The following HERC5 variants were observed in gnomAD, a reference collection of about 807,000 sequenced individuals.
The protein encoded by HERC5 is HECT and RLD domain containing E3 ubiquitin protein ligase 5.
Under a neutral mutation model 119.6 loss-of-function variants are expected in HERC5, and 99 were observed. The observed-to-expected ratio is 0.83, with a 90% CI of 0.70 to 0.98. The LOEUF is 0.98. Among genes scored for constraint, HERC5 ranks in the 50% least tolerant of loss-of-function variants. The probability of loss-of-function intolerance (pLI) is 0.00; values close to 1 mark genes in which losing one functional copy is unlikely to be tolerated. For missense variants in HERC5, 1,267 were observed against 1,241.3 expected, an observed-to-expected ratio of 1.02 and a Z score of -0.31; for synonymous variants, 478 against 445.9, an observed-to-expected ratio of 1.07 and a Z score of -0.91.
In HERC5 at chr4:88,493,022, G is replaced by T; in HGVS notation, c.2144G>T (p.Ser715Ile). 1 of 1,613,838 alleles carries T rather than the reference G, an allele frequency of 6.2e-7. No homozygotes were observed. The highest frequency in any genetic ancestry group is 8.5e-7 in the Non-Finnish European group (1 of 1,179,874). ...GCTCTGTTTCCTCAGGTTTCATTTA[G>T]TGGAGAAATTGGGTATGACCTCGGA... ...DLRKELWVSF[S>I]GEIGYDLGGV... Residue 715 changes from serine (S) to isoleucine (I), a missense_variant, in exon 17 of 23, where the codon AGT becomes ATT. Coordinates refer to ENST00000264350, the MANE Select transcript of HERC5 (RefSeq NM_016323.4).
chr4:88,470,639 C>G lies in HERC5; in HGVS notation c.1264C>G (p.Pro422Ala). The G allele has an allele frequency of 2.0e-6, 3 of 1,512,876 alleles. No individual in the cohort carries two copies. Among genetic ancestry groups the G allele is most frequent in the Non-Finnish European group, 2.7e-6 (3 of 1,094,106 alleles). 93.7% of individuals were successfully genotyped at this position (1,512,876 alleles called of 1,614,324 possible). Residue 422 changes from proline (P) to alanine (A), a missense_variant, in exon 10 of 23, where the codon CCT becomes GCT. Pro to Ala is a conservative substitution (Grantham distance 27). This residue lies in a region of HERC5 where 777 missense variants were observed against 758.0 expected (regional missense o/e 1.03). Transcript: ENST00000264350. ...GGAAATCCAAGAGATATTTTCATCT[C>G]CTGCTTGTCTAACTGGAAGTTTTTT... ...KREIQEIFSS[P>A]ACLTGSFLRK...
intron 6 of HERC5, among the ~76,000 whole-genome samples, chr4:88,466,089 G>GTTT (rs1299764703): frequency 2.1e-5 from 3 of 140,610 alleles, no homozygotes; most frequent in Non-Finnish European, 4.7e-5. Context: ...TGGTTTGGTG[G>GTTT]TTTTTTTTTT....
rs759566754 is a variant in HERC5, at chr4:88,505,827, A to T, written c.3024A>T (p.Thr1008=). 6.2e-7 allele frequency: 1 copy of T among 1,613,720 alleles called. No individual in the cohort carries two copies. The highest frequency in any genetic ancestry group is 1.7e-5 in the Admixed American group (1 of 60,016). The change falls in exon 23 of 23, where the codon ACA becomes ACT. Residue 1008 remains threonine, a synonymous_variant. Transcript: ENST00000264350. ...TCCCTAAATATTCTACAATGGAAAC[A>T]GTTGAAGAAGCGCTTCAAGAAGCCA... ...LFLPKYSTME[T]VEEALQEAIN... is the part of the protein sequence containing the mutation.
chr4:88,470,378 G>A (rs904203183), intron 9 of HERC5, among the ~76,000 whole-genome samples: 3 of 152,180 alleles, frequency 2.0e-5, no homozygotes, highest in Non-Finnish European at 4.4e-5. Flanking sequence ...GCTTCTCTGA[G>A]TATGTATAAA....
At chr4:88,458,220 G>A in intron 1 of HERC5, 1 of 342,230 alleles carries the variant, frequency 2.9e-6, no homozygotes, top group Non-Finnish European at 4.1e-6. Context: ...TTTGCACGTC[G>A]TACATGTAAT....
intron 19 of HERC5, among the ~76,000 whole-genome samples, chr4:88,500,598 A>C (rs1741920196): frequency 6.6e-6 from 1 of 152,232 alleles, no homozygotes; most frequent in Non-Finnish European, 1.5e-5. Context: ...TAGGATGGGA[A>C]GAATTCATGG....
At position 88,457,209 on chromosome 4, in the gene HERC5, C is replaced by G; in HGVS notation, c.-61C>G. On this transcript the variant is annotated 5_prime_UTR_variant, in exon 1 of 23. Coordinates refer to ENST00000264350, the MANE Select transcript of HERC5 (RefSeq NM_016323.4). ...CAACGCCTGAGGCAGTGGGCGCGCT[C>G]AGTCCCGGGACCAGGCGTTCTCTCC... is the stretch of plus-strand genomic sequence containing the variant. 28 of 1,245,506 alleles carry G rather than the reference C, an allele frequency of 2.2e-5. No individual in the cohort carries two copies. Among genetic ancestry groups the G allele is most frequent in the Non-Finnish European group, 2.8e-5 (28 of 993,486 alleles). 77.2% of individuals were successfully genotyped at this position (1,245,506 alleles called of 1,614,324 possible). A position where few individuals can be genotyped will look rare whatever the true frequency, so the allele number is the denominator to read the frequency against.
In HERC5 at chr4:88,457,296, G is replaced by C; in HGVS notation, c.27G>C (p.Ser9=). Reference sequence around the variant, plus strand: ...TGGAGCGGAGGTCGCGGAGGAAGTCGCGGCGCAACGGGCGCTCGACCGCGG... The same window carrying C: ...TGGAGCGGAGGTCGCGGAGGAAGTCCCGGCGCAACGGGCGCTCGACCGCGG... MERRSRRK[S]RRNGRSTAGK... Residue 9 remains serine (S), a synonymous_variant, in exon 1 of 23, where the codon TCG becomes TCC. Coordinates refer to ENST00000264350, the MANE Select transcript of HERC5 (RefSeq NM_016323.4). The C allele has an allele frequency of 9.6e-6, 13 of 1,360,026 alleles. No homozygotes were observed. The highest frequency in any genetic ancestry group is 1.2e-5 in the Non-Finnish European group (13 of 1,062,702). The allele number at this position is 1,360,026 out of a possible 1,614,324, so 84.2% of individuals were successfully genotyped here.
Position 88,459,347 on chromosome 4 carries a change from A to G in HERC5, c.266A>G (p.Lys89Arg). The change falls in exon 2 of 23, where the codon AAA becomes AGA. Residue 89 changes from lysine to arginine, a missense_variant and splice_region_variant. Around this residue, in one of 3 missense-constraint regions of HERC5, gnomAD observed 777 missense variants for 758.0 expected, o/e 1.03. Transcript: ENST00000264350. ...LAGSGGARTPKCIKLGKNMKI... is the reference protein window; with the variant it reads ...LAGSGGARTPRCIKLGKNMKI... ...GTTCCTGGTTGGATTTGCTCTGTAG[A>G]ATGCATTAAATTAGGAAAAAACATG... The G allele has an allele frequency of 2.5e-6, 4 of 1,582,086 alleles. No homozygotes were observed. Among genetic ancestry groups the G allele is most frequent in the Non-Finnish European group, 3.4e-6 (4 of 1,169,002 alleles).
chr4:88,475,951 T>A lies in HERC5; in HGVS notation c.1503T>A (p.Ile501=). Residue 501 remains isoleucine, a synonymous_variant, in exon 12 of 23, where the codon ATT becomes ATA. Coordinates refer to ENST00000264350, the MANE Select transcript of HERC5 (RefSeq NM_016323.4). ...FLLPECPMMH[I]SNNWESLVVP... ...TCCCAGAATGTCCTATGATGCATATTTCCAACAACTGGGAGAGCCTTGTGG... is the reference window on the plus strand; with the variant it reads ...TCCCAGAATGTCCTATGATGCATATATCCAACAACTGGGAGAGCCTTGTGG... 6.2e-7 allele frequency: 1 copy of A among 1,614,086 alleles called. No individual in the cohort carries two copies. The highest frequency in any genetic ancestry group is 8.5e-7 in the Non-Finnish European group (1 of 1,180,000).
intron 20 of HERC5, among the ~76,000 whole-genome samples, chr4:88,503,563 A>G (rs554397748): frequency 3.5e-4 from 53 of 152,168 alleles, no homozygotes; most frequent in Non-Finnish European, 6.8e-4. Context: ...AGATTTTTGA[A>G]TTGTTTTACC....
At chr4:88,462,041 G>T in intron 3 of HERC5, 94 bp from the exon 4 acceptor site, 1 of 1,001,530 alleles carries the variant, frequency 1.0e-6, no homozygotes. Context: ...ACAATATTGT[G>T]ATATTATACT....
In HERC5 at chr4:88,463,514, AT is replaced by A; in HGVS notation, c.689-11del. The stretch of plus-strand genomic sequence containing the variant: ...GCATTTCCTTTTGGTCACTTCAGCT[AT>A]TTTTTTCCTTACATAGGTAAAGATG... On this transcript the variant is annotated splice_polypyrimidine_tract_variant and intron_variant, in intron 4 of 22. Coordinates refer to ENST00000264350, the MANE Select transcript of HERC5 (RefSeq NM_016323.4). The A allele has an allele frequency of 3.8e-6, 6 of 1,575,238 alleles. No homozygotes were observed. The highest frequency in any genetic ancestry group is 1.4e-5 in the African/African-American group (1 of 74,060).
chr4:88,483,616 C>T (rs1420559393), intron 13 of HERC5, among the ~76,000 whole-genome samples: 1 of 150,654 alleles, frequency 6.6e-6, no homozygotes, highest in Non-Finnish European at 1.5e-5. Flanking sequence ...GCAGCCTCTG[C>T]CTCCTGGGTT....
In HERC5 at chr4:88,475,947, A is replaced by C; in HGVS notation, c.1499A>C (p.His500Pro). The C allele has an allele frequency of 1.2e-6, 2 of 1,614,070 alleles. No individual in the cohort carries two copies. The highest frequency in any genetic ancestry group is 1.7e-6 in the Non-Finnish European group (2 of 1,179,990). Reference sequence around the variant, plus strand: ...CTTCTCCCAGAATGTCCTATGATGCATATTTCCAACAACTGGGAGAGCCTT... The same window carrying C: ...CTTCTCCCAGAATGTCCTATGATGCCTATTTCCAACAACTGGGAGAGCCTT... ...FFLLPECPMM[H>P]ISNNWESLVV... Residue 500 changes from histidine to proline, a missense_variant, in exon 12 of 23, where the codon CAT becomes CCT. Physicochemically the swap from His to Pro is moderately conservative, Grantham distance 77. Coordinates refer to ENST00000264350, the MANE Select transcript of HERC5 (RefSeq NM_016323.4).
rs760166040 is a variant in HERC5 at position 88,489,214 on chromosome 4, A to G, written c.2011A>G (p.Arg671Gly). 16 of 1,613,772 alleles carry G rather than the reference A, an allele frequency of 9.9e-6. No homozygotes were observed. Among genetic ancestry groups the G allele is most frequent in the Middle Eastern group, 1.6e-4 (1 of 6,080 alleles). The change falls in exon 16 of 23, where the codon AGA (arginine) becomes GGA (glycine). Residue 671 changes from arginine to glycine, a missense_variant. Physicochemically the swap from Arg to Gly is moderately radical, Grantham distance 125. Around this residue, in one of 3 missense-constraint regions of HERC5, gnomAD observed 473 missense variants for 445.7 expected, o/e 1.06. Coordinates refer to ENST00000264350, the MANE Select transcript of HERC5 (RefSeq NM_016323.4). ...YLRSAAIEEE[R>G]ESEFALRPTF... Reference sequence around the variant, plus strand: ...TAGGTCGGCAGCAATTGAGGAAGAAAGAGAGTCTGAATTCGCTTTGAGGCC... The same window carrying G: ...TAGGTCGGCAGCAATTGAGGAAGAAGGAGAGTCTGAATTCGCTTTGAGGCC...
At chr4:88,480,877 A>G (rs1464942809) in intron 13 of HERC5, among the ~76,000 whole-genome samples, 2 of 152,178 alleles carry the variant, frequency 1.3e-5, no homozygotes, top group African/African-American at 4.8e-5. Context: ...TACTGATTAT[A>G]GAATTCTTTT....
chr4:88,458,862 C>T (rs1391880041), intron 1 of HERC5, among the ~76,000 whole-genome samples: 1 of 152,174 alleles, frequency 6.6e-6, no homozygotes. Context: ...CAAACATAAT[C>T]CTTCCTTTTA....
At chr4:88,470,816 G>T in intron 10 of HERC5, 143 bp downstream of exon 10, 1 of 429,700 alleles carries the variant, frequency 2.3e-6, no homozygotes. Flanking sequence ...TATGTTTGCT[G>T]TAGAAAATGT....
Sources: gnomAD v4.1 joint callset for allele counts (sites outside exome capture counted in the v4.1 genomes callset) on GRCh38, gnomAD v4.1.1 for gene constraint, gnomAD v4.1.1 regional missense constraint, MANE v1.5 for transcripts, NCBI Gene and HGNC (gene_info 2026-07-23, HGNC 2026-07-21) for gene names.